Variants in DYM observed in about 807,000 individuals in gnomAD.
DYM encodes the protein dyggve-Melchior-Clausen syndrome protein.
Under a neutral mutation model 93.1 loss-of-function variants are expected in DYM, and 78 were observed. The observed-to-expected ratio is 0.84, with a 90% CI of 0.70 to 1.01. The LOEUF is 1.01. DYM is among the 50% of genes least tolerant of loss of function. DYM has a pLI of 0.00. For missense variants in DYM, 789 were observed against 845.0 expected (o/e 0.93, Z 0.82); for synonymous variants, 321 against 319.7 (o/e 1.00, Z -0.04).
In DYM at chr18:49,037,419, A is replaced by G. The variant is rs767062276; in HGVS notation, c.*6636T>C. 4.6e-5 allele frequency among the ~76,000 whole-genome samples: 7 copies of G among 152,140 alleles called. No individual in the cohort carries two copies. Among genetic ancestry groups the G allele is most frequent in the African/African-American group, 7.2e-5 (3 of 41,422 alleles). ...TGAACAATAGACACTAGGGACTCCA[A>G]AACGAGGGAGGAAGGGAAGGAGAGA... On this transcript the variant is annotated 3_prime_UTR_variant, in exon 18 of 18. Transcript: ENST00000675505.
At chr18:49,112,281 T>C (rs964029757) in intron 16 of DYM, among the ~76,000 whole-genome samples, 4 of 152,180 alleles carry the variant, frequency 2.6e-5, no homozygotes, top group African/African-American at 9.7e-5. Flanking sequence ...CCAGTCTCAG[T>C]GGAAAACAGC....
intron 17 of DYM, among the ~76,000 whole-genome samples, chr18:49,063,978 G>A (rs2076197663): frequency 6.6e-6 from 1 of 152,092 alleles, no homozygotes; most frequent in South Asian, 2.1e-4. Context: ...TTTGGGTAGG[G>A]AAGAAGCACT....
At chr18:49,083,828 G>C (rs2078263077) in intron 17 of DYM, among the ~76,000 whole-genome samples, 2 of 151,918 alleles carry the variant, frequency 1.3e-5, no homozygotes, top group South Asian at 4.1e-4. Context: ...AATTTCTACA[G>C]GGTCAATAAC....
chr18:49,341,807 A>G (rs182738567), intron 6 of DYM, among the ~76,000 whole-genome samples: 1 of 152,330 alleles, frequency 6.6e-6, no homozygotes, highest in East Asian at 1.9e-4. Context: ...TTCCCAGAAA[A>G]TAGTAGGTAT....
intron 17 of DYM, among the ~76,000 whole-genome samples, chr18:49,046,062 C>G (rs1022993297): frequency 5.9e-5 from 9 of 151,836 alleles, no homozygotes; most frequent in South Asian, 2.1e-4. Context: ...AGGGGAGGAG[C>G]AGGTAGAGGA....
chr18:49,416,584 T>C (rs1401170264), intron 2 of DYM, among the ~76,000 whole-genome samples: 1 of 152,246 alleles, frequency 6.6e-6, no homozygotes, highest in Non-Finnish European at 1.5e-5. Flanking sequence ...TTATTCTCTA[T>C]ACTGCTGTTA....
chr18:49,232,543 T>A (rs546030877), intron 13 of DYM, among the ~76,000 whole-genome samples: 7 of 151,484 alleles, frequency 4.6e-5, no homozygotes, highest in African/African-American at 1.7e-4. Flanking sequence ...GACCTCGTGA[T>A]CTGCTCGCCT....
At chr18:49,427,985 G>A (rs994926309) in intron 2 of DYM, among the ~76,000 whole-genome samples, 9 of 152,100 alleles carry the variant, frequency 5.9e-5, no homozygotes, top group African/African-American at 2.2e-4. Context: ...CAGCTACTCA[G>A]GAAGGTGAAG....
At chr18:49,307,547 G>C (rs1199796036) in intron 8 of DYM, among the ~76,000 whole-genome samples, 1 of 152,080 alleles carries the variant, frequency 6.6e-6, no homozygotes, top group African/African-American at 2.4e-5. Flanking sequence ...GTGTGCATGT[G>C]GTCAGCTAAA....
chr18:49,329,630 T>A (rs2146779348), intron 8 of DYM: 1 of 152,342 alleles, frequency 6.6e-6, no homozygotes, highest in South Asian at 2.1e-4. Flanking sequence ...GCAGTTCCAG[T>A]ACAAGGATTC....
intron 17 of DYM, among the ~76,000 whole-genome samples, chr18:49,077,587 G>A (rs1280395887): frequency 6.6e-6 from 1 of 152,132 alleles, no homozygotes; most frequent in Non-Finnish European, 1.5e-5. Context: ...GCTGAGGGAG[G>A]GTTAAGTCTC....
chr18:49,402,828 A>G (rs1225713872), intron 2 of DYM, among the ~76,000 whole-genome samples: 1 of 152,186 alleles, frequency 6.6e-6, no homozygotes, highest in Non-Finnish European at 1.5e-5. Flanking sequence ...TGTGCTTGTT[A>G]CTGAAAAGCA....
chr18:49,425,217 C>G (rs1372078340), intron 2 of DYM, among the ~76,000 whole-genome samples: 1 of 152,112 alleles, frequency 6.6e-6, no homozygotes. Context: ...TGGAACAGAA[C>G]AGAGCCCTCA....
At chr18:49,244,421 C>T (rs1485199411) in intron 13 of DYM, among the ~76,000 whole-genome samples, 1 of 152,170 alleles carries the variant, frequency 6.6e-6, no homozygotes, top group Non-Finnish European at 1.5e-5. Flanking sequence ...AGACTGGCAA[C>T]AACTGCCCCT....
chr18:49,103,263 G>T (rs1291748932), intron 16 of DYM, among the ~76,000 whole-genome samples: 2 of 152,068 alleles, frequency 1.3e-5, no homozygotes, highest in Admixed American at 6.6e-5. Context: ...TGGTGGGGTT[G>T]TTTTTTTCTT....
intron 14 of DYM, among the ~76,000 whole-genome samples, chr18:49,173,112 G>A (rs369719984): frequency 2.2e-4 from 33 of 151,852 alleles, no homozygotes; most frequent in East Asian, 2.1e-3. Flanking sequence ...CACCCTTGTT[G>A]AAATTTCATT....
chr18:49,377,861 G>A (rs1376754178), intron 5 of DYM, among the ~76,000 whole-genome samples: 1 of 152,164 alleles, frequency 6.6e-6, no homozygotes, highest in African/African-American at 2.4e-5. Flanking sequence ...ACATCTCAAA[G>A]TTCTCTCCCA....
intron 2 of DYM, among the ~76,000 whole-genome samples, chr18:49,419,775 A>C (rs2073429628): frequency 6.6e-6 from 1 of 152,246 alleles, no homozygotes; most frequent in Non-Finnish European, 1.5e-5. Flanking sequence ...CATGGTACAT[A>C]TCTCTATTTA....
rs1175865185 is a variant in DYM, at chr18:49,041,150, T to C, written c.*2905A>G. On this transcript the variant is annotated 3_prime_UTR_variant, in exon 18 of 18. Transcript: ENST00000675505. The stretch of plus-strand genomic sequence containing the variant: ...GAATGGTGGCAGTCCTGCTGCAAGG[T>C]TGTTGTTCATAGATTGTATGACACC... Among the ~76,000 whole-genome samples, 1 of 152,236 alleles carries C rather than the reference T, an allele frequency of 6.6e-6. No individual in the cohort carries two copies. Among genetic ancestry groups the C allele is most frequent in the Non-Finnish European group, 1.5e-5 (1 of 68,040 alleles).
Sources: allele counts gnomAD v4.1 joint callset (sites outside exome capture counted in the v4.1 genomes callset), GRCh38; gene constraint gnomAD v4.1.1; transcripts MANE v1.5; gene names NCBI Gene and HGNC (gene_info 2026-07-23, HGNC 2026-07-21).